Variants in CYFIP2 observed in about 807,000 individuals in gnomAD.
The protein encoded by CYFIP2 is cytoplasmic FMR1-interacting protein 2.
A neutral mutation model predicts 158.7 loss-of-function variants in CYFIP2; 29 were observed. The ratio of observed to expected loss-of-function variants is 0.18; its 90% CI spans 0.14 to 0.25. The LOEUF is 0.25. CYFIP2 is among the 10% of genes least tolerant of loss of function. The pLI is 1.00. For synonymous variants in CYFIP2, 585 were observed against 617.6 expected, an observed-to-expected ratio of 0.95 and a Z score of 0.78; for missense variants, 852 against 1,639.5, an observed-to-expected ratio of 0.52 and a Z score of 8.29.
intron 13 of CYFIP2, among the ~76,000 whole-genome samples, chr5:157,316,168 G>T (rs997602669): frequency 1.3e-5 from 2 of 152,028 alleles, no homozygotes; most frequent in East Asian, 3.8e-4. Context: ...AGTTAAAAAA[G>T]AAACAATTAA....
intron 15 of CYFIP2, 95 bp from the exon 16 acceptor site, chr5:157,323,826 G>GAA (rs34143712): frequency 0.019 from 21,248 of 1,145,860 alleles, 2 homozygotes; most frequent in South Asian, 0.027. Flanking sequence ...GACATCTGCA[G>GAA]AAAAAAAAAA....
At chr5:157,386,748 C>T (rs1766731825) in intron 28 of CYFIP2, among the ~76,000 whole-genome samples, 1 of 151,990 alleles carries the variant, frequency 6.6e-6, no homozygotes, top group Non-Finnish European at 1.5e-5. Context: ...GGTGAAACCC[C>T]ATCTCTACTA....
chr5:157,298,061 G>T (rs1460659433), intron 5 of CYFIP2, among the ~76,000 whole-genome samples: 2 of 152,228 alleles, frequency 1.3e-5, no homozygotes, highest in Non-Finnish European at 2.9e-5. Flanking sequence ...CAGGCCCGTG[G>T]AAGCAGAGTG....
intron 1 of CYFIP2, among the ~76,000 whole-genome samples, chr5:157,277,461 C>T (rs924416846): frequency 6.6e-6 from 1 of 152,154 alleles, no homozygotes; most frequent in Admixed American, 6.5e-5. Flanking sequence ...CAGGTCGTCT[C>T]CTCTCTCCTA....
intron 26 of CYFIP2, among the ~76,000 whole-genome samples, chr5:157,374,382 C>T (rs558082842): frequency 6.6e-6 from 1 of 152,304 alleles, no homozygotes; most frequent in South Asian, 2.1e-4. Context: ...TCTGATTCTG[C>T]AGTGTGCTTG....
At chr5:157,341,694 G>A (rs942740309) in intron 23 of CYFIP2, 11 of 158,438 alleles carry the variant, frequency 6.9e-5, no homozygotes, top group Admixed American at 4.9e-4. Flanking sequence ...CAAGGGAATA[G>A]GGATGTGGGG....
rs74329938 is a variant in CYFIP2, at chr5:157,272,471, G to A, written c.-24+6276G>A. Among the ~76,000 whole-genome samples the A allele has an allele frequency of 2.0e-5, 3 of 152,286 alleles. No individual in the cohort carries two copies. In the East Asian group the frequency reaches 5.8e-4, roughly 29 times the overall value. On this transcript the variant is annotated intron_variant, in intron 1 of 30. Coordinates refer to ENST00000620254, the MANE Select transcript of CYFIP2 (RefSeq NM_001037333.3). Reference sequence around the variant, plus strand: ...TTTAAAAAATCAAATAGTATTGAAAGCCTTATAATGAAAAACAACCATCCA... The same window carrying A: ...TTTAAAAAATCAAATAGTATTGAAAACCTTATAATGAAAAACAACCATCCA...
At chr5:157,384,574 C>T (rs571098390) in intron 28 of CYFIP2, 114 of 438,698 alleles carry the variant, frequency 2.6e-4, no homozygotes, top group African/African-American at 1.6e-3. Flanking sequence ...TCTGCACAGA[C>T]GTCATGCTGA....
intron 26 of CYFIP2, among the ~76,000 whole-genome samples, chr5:157,379,836 C>G (rs910513980): frequency 6.6e-6 from 1 of 152,126 alleles, no homozygotes; most frequent in African/African-American, 2.4e-5. Context: ...TTTATCCAGA[C>G]AGGGGAATTG....
Position 157,311,873 on chromosome 5 carries a change from C to G in CYFIP2, c.1110+92C>G, listed in dbSNP as rs936128072. The G allele has an allele frequency of 3.3e-6, 4 of 1,207,840 alleles. No homozygotes were observed. The African/African-American group carries it at 4.5e-5, about 14-fold the overall frequency. The allele number at this position is 1,207,840 out of a possible 1,614,324, so 74.8% of individuals were successfully genotyped here. ...GGAAAGAACATGGACCCACGGAACA[C>G]TGGAGAGTAGAAGGGAGGGAGGCAG... On this transcript the variant is annotated intron_variant, in intron 11 of 30. Coordinates refer to ENST00000620254, the MANE Select transcript of CYFIP2 (RefSeq NM_001037333.3). The surrounding 1 kb of genome is among the most constrained non-coding windows in gnomAD (Gnocchi z 4.7).
rs1022910091 is a variant in CYFIP2 at position 157,304,158 on chromosome 5, G to A, written c.667-80G>A. On this transcript the variant is annotated intron_variant, in intron 7 of 30. Transcript: ENST00000620254. Reference sequence around the variant, plus strand: ...CCATCAGCGGGGACCACACCGGCCAGCTGTAGGGCTTCTGCAGGGGTGCAG... The same window carrying A: ...CCATCAGCGGGGACCACACCGGCCAACTGTAGGGCTTCTGCAGGGGTGCAG... 25 of 1,517,832 alleles carry A rather than the reference G, an allele frequency of 1.6e-5. No individual in the cohort carries two copies. In the South Asian group the frequency reaches 1.9e-4, roughly 11 times the overall value. 94.0% of individuals were successfully genotyped at this position (1,517,832 alleles called of 1,614,324 possible). A position where few individuals can be genotyped will look rare whatever the true frequency, so the allele number is the denominator to read the frequency against.
intron 1 of CYFIP2, among the ~76,000 whole-genome samples, chr5:157,283,315 A>G (rs1295369306): frequency 6.6e-6 from 1 of 152,248 alleles, no homozygotes. Context: ...CACTATTATT[A>G]TAATTGGAAT....
chr5:157,344,365 A>G (rs1338850641), intron 23 of CYFIP2, among the ~76,000 whole-genome samples: 1 of 152,180 alleles, frequency 6.6e-6, no homozygotes, highest in Non-Finnish European at 1.5e-5. Flanking sequence ...TCTGAGCTAG[A>G]TTCCCATTTT....
At position 157,300,303 on chromosome 5, in the gene CYFIP2, G is replaced by A. The variant is rs557285557; in HGVS notation, c.388-412G>A. Among the ~76,000 whole-genome samples, 15 of 152,136 alleles carry A rather than the reference G, an allele frequency of 9.9e-5. No homozygotes were observed. The South Asian group carries it at 1.2e-3, about 13-fold the overall frequency. The stretch of plus-strand genomic sequence containing the variant: ...ATCAGTCCCAGCACTTTGGGAGGCC[G>A]AGGCAGGTGGGTCACAAGGTCACGA... On this transcript the variant is annotated intron_variant, in intron 5 of 30. Transcript: ENST00000620254.
intron 4 of CYFIP2, among the ~76,000 whole-genome samples, chr5:157,296,286 A>G (rs750550790): frequency 1.3e-5 from 2 of 152,126 alleles, no homozygotes; most frequent in Non-Finnish European, 2.9e-5. Context: ...TGAGAGTGAA[A>G]AAGGGCCCTA....
At chr5:157,295,714 G>A (rs1758196621) in intron 4 of CYFIP2, among the ~76,000 whole-genome samples, 1 of 152,316 alleles carries the variant, frequency 6.6e-6, no homozygotes, top group East Asian at 1.9e-4. Context: ...TGTGATTGTA[G>A]CATATTTTAT....
intron 1 of CYFIP2, among the ~76,000 whole-genome samples, chr5:157,284,337 T>C (rs1310499368): frequency 1.3e-5 from 2 of 152,212 alleles, no homozygotes; most frequent in African/African-American, 4.8e-5. Context: ...TCCTCTTTAG[T>C]TATGAATGAC....
chr5:157,287,976 G>A (rs1437614543), intron 3 of CYFIP2, among the ~76,000 whole-genome samples: 4 of 151,954 alleles, frequency 2.6e-5, no homozygotes, highest in South Asian at 4.2e-4. Context: ...ACCTATAGTC[G>A]CAGCTACGTG....
intron 13 of CYFIP2, among the ~76,000 whole-genome samples, chr5:157,316,841 T>G (rs895577450): frequency 6.6e-6 from 1 of 152,140 alleles, no homozygotes; most frequent in African/African-American, 2.4e-5. Context: ...ATGTAAGAGA[T>G]TAGAGTCGTC....
Sources: gnomAD v4.1 joint callset for allele counts (sites outside exome capture counted in the v4.1 genomes callset) on GRCh38, gnomAD v4.1.1 for gene constraint, Gnocchi (gnomAD v3.1) non-coding constraint, MANE v1.5 for transcripts, NCBI Gene and HGNC (gene_info 2026-07-23, HGNC 2026-07-21) for gene names.